VPS13C: variants seen among roughly 807,000 people sequenced by gnomAD.
VPS13C encodes intermembrane lipid transfer protein VPS13C.
A neutral mutation model predicts 456.8 loss-of-function variants in VPS13C; 358 were observed. The observed-to-expected ratio is 0.78, with a 90% confidence interval of 0.72 to 0.86. The LOEUF (loss-of-function observed/expected upper bound fraction) is 0.86, where lower values mean the gene tolerates loss of function less well. Among genes scored for constraint, VPS13C ranks in the 40% least tolerant of loss-of-function variants. The probability of loss-of-function intolerance (pLI) is 0.00; values close to 1 mark genes in which losing one functional copy is unlikely to be tolerated. For synonymous variants in VPS13C, 1,578 were observed against 1,486.7 expected, an observed-to-expected ratio of 1.06 and a Z score of -1.41; for missense variants, 4,818 against 4,385.4, an observed-to-expected ratio of 1.10 and a Z score of -2.79.
At chr15:62,002,458 A>G (rs2046661620) in intron 15 of VPS13C, among the ~76,000 whole-genome samples, 1 of 151,908 alleles carries the variant, frequency 6.6e-6, no homozygotes, top group Non-Finnish European at 1.5e-5. Context: ...ATTTTCTCCC[A>G]TTTTGTAGGT....
chr15:61,856,645 G>T, intron 82 of VPS13C: 2 of 308,456 alleles, frequency 6.5e-6, no homozygotes, highest in Non-Finnish European at 5.8e-6. Flanking sequence ...TGTCAATCTT[G>T]CAGAATTCAG....
In VPS13C at chr15:61,853,425, A is replaced by G. The variant is rs950247458; in HGVS notation, c.*1032T>C. ...AATAATAATTGTGTCATATAAGCTC[A>G]TCTTGAAAGAGGATGTAAATACTTC... On this transcript the variant is annotated 3_prime_UTR_variant, in exon 85 of 85. Coordinates refer to ENST00000644861, the MANE Select transcript of VPS13C (RefSeq NM_020821.3). The G allele has an allele frequency of 6.6e-6, 1 of 152,214 alleles. No homozygotes were observed. The highest frequency in any genetic ancestry group is 2.1e-4 in the South Asian group (1 of 4,830). The allele number at this position is 152,214 out of a possible 1,614,324, so 9.4% of individuals were successfully genotyped here.
In VPS13C at chr15:61,875,978, T is replaced by C. The variant is rs1445568041; in HGVS notation, c.10225-133A>G. On this transcript the variant is annotated intron_variant, in intron 75 of 84. Transcript: ENST00000644861. The stretch of plus-strand genomic sequence containing the variant: ...GAAAGCTGTATGGAATAATCACCAC[T>C]ACCTCCACTAATGGATCTTTTACTG... The C allele has an allele frequency of 1.7e-5, 10 of 593,258 alleles. No homozygotes were observed. The Admixed American group carries it at 3.5e-4, about 21-fold the overall frequency. The allele number at this position is 593,258 out of a possible 1,614,324, so 36.7% of individuals were successfully genotyped here.
rs369557222 is a variant in VPS13C at position 61,875,728 on chromosome 15, A to G, written c.10338+4T>C. The G allele has an allele frequency of 5.0e-5, 81 of 1,604,748 alleles. No individual in the cohort carries two copies. Among genetic ancestry groups the G allele is most frequent in the Non-Finnish European group, 6.5e-5 (76 of 1,174,230 alleles). On this transcript the variant is annotated splice_donor_region_variant and intron_variant, in intron 76 of 84. Coordinates refer to ENST00000644861, the MANE Select transcript of VPS13C (RefSeq NM_020821.3). ...TATCCTTAGAACAAATAAGAGGTCA[A>G]TACCTGGAAGGGTTCATAGAATAAA... is the stretch of plus-strand genomic sequence containing the variant.
chr15:61,854,846 G>A lies in VPS13C; in HGVS notation c.11160+25C>T, dbSNP rs377662791. 1,882 of 1,579,404 alleles carry A rather than the reference G, an allele frequency of 1.2e-3. 3 individuals carry two copies. Among genetic ancestry groups the A allele is most frequent in the Non-Finnish European group, 1.5e-3 (1,763 of 1,168,220 alleles). ...AAAAGTATTTCAGCTAAAAAAAATT[G>A]AGGCATGCTCTTTAAATTGTTTACC... is the stretch of plus-strand genomic sequence containing the variant. On this transcript the variant is annotated intron_variant, in intron 84 of 84. Coordinates refer to ENST00000644861, the MANE Select transcript of VPS13C (RefSeq NM_020821.3).
At chr15:61,896,641 A>T in intron 66 of VPS13C, among the ~76,000 whole-genome samples, 1 of 151,866 alleles carries the variant, frequency 6.6e-6, no homozygotes, top group Admixed American at 6.6e-5. Context: ...CAGCAGTCTG[A>T]GATCAAACTG....
intron 21 of VPS13C, 40 bp from the exon 22 acceptor site, chr15:61,981,518 T>C (rs2045887463): frequency 1.3e-6 from 2 of 1,532,364 alleles, no homozygotes; most frequent in Admixed American, 2.1e-5. Flanking sequence ...GATGGTCAAG[T>C]TGAAATATGT....
intron 59 of VPS13C, 72 bp downstream of exon 59, chr15:61,918,064 T>C: frequency 4.1e-6 from 6 of 1,449,164 alleles, no homozygotes; most frequent in East Asian, 2.5e-5. Flanking sequence ...AATAAAAATA[T>C]GAAGTTATTT....
intron 48 of VPS13C, 25 bp downstream of exon 48, chr15:61,936,572 T>A (rs1327589073): frequency 1.3e-6 from 2 of 1,506,190 alleles, no homozygotes; most frequent in Non-Finnish European, 8.9e-7. Context: ...TTTTTCTCCA[T>A]AAAGTAAATA....
chr15:61,972,984 G>T (rs761962291), intron 26 of VPS13C, among the ~76,000 whole-genome samples: 6 of 152,030 alleles, frequency 3.9e-5, no homozygotes, highest in Non-Finnish European at 7.4e-5. Flanking sequence ...TTTCTTCAAT[G>T]GTTCTGTTTT....
intron 6 of VPS13C, among the ~76,000 whole-genome samples, chr15:62,027,916 G>C (rs1308414621): frequency 6.6e-6 from 1 of 151,962 alleles, no homozygotes; most frequent in South Asian, 2.1e-4. Flanking sequence ...AAGCTCAGAG[G>C]AACACCTCCT....
chr15:61,988,715 A>G (rs1276778452), intron 18 of VPS13C, among the ~76,000 whole-genome samples: 1 of 152,206 alleles, frequency 6.6e-6, no homozygotes, highest in East Asian at 1.9e-4. Context: ...AGTAACTAAG[A>G]CACAATACTA....
chr15:61,938,314 C>G (rs985257598), intron 47 of VPS13C, among the ~76,000 whole-genome samples: 2 of 152,172 alleles, frequency 1.3e-5, no homozygotes, highest in Non-Finnish European at 2.9e-5. Context: ...AAGGCAGCCC[C>G]ACAGTTCTTT....
rs374983920 is a variant in VPS13C at position 61,874,181 on chromosome 15, G to A, written c.10414+695C>T. ...CTGTGGTTATTAAAGGCTGAGATGGGTAGGGGGAGGAGAGGATAGGGAGAG... is the reference window on the plus strand; with the variant it reads ...CTGTGGTTATTAAAGGCTGAGATGGATAGGGGGAGGAGAGGATAGGGAGAG... On this transcript the variant is annotated intron_variant, in intron 77 of 84. Coordinates refer to ENST00000644861, the MANE Select transcript of VPS13C (RefSeq NM_020821.3). 2.0e-5 allele frequency among the ~76,000 whole-genome samples: 3 copies of A among 152,150 alleles called. No homozygotes were observed. The East Asian group carries it at 5.8e-4, about 29-fold the overall frequency.
At chr15:61,972,486 G>A (rs1158727967) in intron 27 of VPS13C, 139 bp downstream of exon 27, 9 of 723,124 alleles carry the variant, frequency 1.2e-5, no homozygotes, top group Non-Finnish European at 2.2e-6. Context: ...GTGAGAGTGT[G>A]TATGTGCATG....
intron 15 of VPS13C, among the ~76,000 whole-genome samples, chr15:62,004,361 G>T (rs2046751816): frequency 6.6e-6 from 1 of 152,042 alleles, no homozygotes; most frequent in Non-Finnish European, 1.5e-5. Context: ...GGGATCGGTG[G>T]TGATATCCCC....
chr15:62,031,378 A>C (rs983455192), intron 5 of VPS13C, among the ~76,000 whole-genome samples: 1 of 152,004 alleles, frequency 6.6e-6, no homozygotes, highest in Non-Finnish European at 1.5e-5. Flanking sequence ...AGTATAATCA[A>C]TAACTATTAA....
chr15:61,983,676 A>T, intron 20 of VPS13C, 144 bp downstream of exon 20: 2 of 893,726 alleles, frequency 2.2e-6, no homozygotes. Context: ...CTGAACATAT[A>T]CTGCTTTTGA....
chr15:62,017,143 T>C (rs2047282574), intron 9 of VPS13C, among the ~76,000 whole-genome samples: 1 of 152,204 alleles, frequency 6.6e-6, no homozygotes, highest in Non-Finnish European at 1.5e-5. Context: ...GTTGTTTTTT[T>C]CTTCTAAATT....
Sources: allele counts gnomAD v4.1 joint callset (sites outside exome capture counted in the v4.1 genomes callset), GRCh38; gene constraint gnomAD v4.1.1; transcripts MANE v1.5; gene names NCBI Gene and HGNC (gene_info 2026-07-23, HGNC 2026-07-21).